Variants in TAOK1 observed in about 807,000 individuals in gnomAD.
TAOK1 encodes TAO kinase 1.
TAOK1 carries 21 observed loss-of-function variants against 138.3 expected under a neutral mutation model. That is an observed-to-expected ratio of 0.15 (90% confidence interval 0.11 to 0.22). The LOEUF (loss-of-function observed/expected upper bound fraction) is 0.22, where lower values mean the gene tolerates loss of function less well. Ranked by LOEUF, TAOK1 falls within the 10% of genes least tolerant of loss-of-function variation. The pLI is 1.00. For synonymous variants in TAOK1, 361 were observed against 398.4 expected (o/e 0.91, Z 1.12); for missense variants, 651 against 1,227.7 (o/e 0.53, Z 7.02).
At chr17:29,401,851 A>G (rs1904855720) in intron 1 of TAOK1, among the ~76,000 whole-genome samples, 1 of 151,974 alleles carries the variant, frequency 6.6e-6, no homozygotes, top group Non-Finnish European at 1.5e-5. Flanking sequence ...GGGTTTCGCC[A>G]TGTTGGCCAG....
intron 14 of TAOK1, 63 bp downstream of exon 14, chr17:29,508,195 C>T (rs971472764): frequency 7.1e-6 from 10 of 1,400,518 alleles, no homozygotes; most frequent in Middle Eastern, 1.8e-4. Context: ...AATTAACCAA[C>T]ATGGCAGTTT....
intron 2 of TAOK1, among the ~76,000 whole-genome samples, chr17:29,457,877 G>A (rs1171035006): frequency 1.3e-5 from 2 of 151,974 alleles, no homozygotes; most frequent in Non-Finnish European, 2.9e-5. Context: ...TTGGGAGGCC[G>A]AGGCAGGCAG....
At chr17:29,432,942 TAG>T (rs1905894630) in intron 1 of TAOK1, among the ~76,000 whole-genome samples, 1 of 152,160 alleles carries the variant, frequency 6.6e-6, no homozygotes. Context: ...AAAGTTTTTG[TAG>T]AGACAGTGTC....
chr17:29,488,577 A>AATG (rs1322794802), intron 8 of TAOK1, among the ~76,000 whole-genome samples: 2 of 32,224 alleles, frequency 6.2e-5, no homozygotes, highest in East Asian at 7.5e-3. Flanking sequence ...CATCTCAAAA[A>AATG]ATAATAATAA....
chr17:29,436,247 A>T (rs1184313725), intron 1 of TAOK1, among the ~76,000 whole-genome samples: 1 of 152,262 alleles, frequency 6.6e-6, no homozygotes, highest in African/African-American at 2.4e-5. Flanking sequence ...ACATGCTCCA[A>T]AGTTTTTTTC....
intron 1 of TAOK1, among the ~76,000 whole-genome samples, chr17:29,406,694 C>A (rs550597935): frequency 2.6e-5 from 4 of 152,102 alleles, no homozygotes; most frequent in South Asian, 2.1e-4. Context: ...ACCCACCCCC[C>A]CAACTAAGCA....
intron 1 of TAOK1, among the ~76,000 whole-genome samples, chr17:29,442,389 G>GTTTT (rs531137552): frequency 3.1e-5 from 4 of 130,536 alleles, no homozygotes; most frequent in African/African-American, 1.1e-4. Context: ...ATTTTTTTCT[G>GTTTT]TTTTTTTTTT....
chr17:29,443,335 TG>T (rs1191396846), intron 1 of TAOK1, among the ~76,000 whole-genome samples: 1 of 152,242 alleles, frequency 6.6e-6, no homozygotes, highest in African/African-American at 2.4e-5. Context: ...ATCTTCTTTT[TG>T]TTGCTCTTGA....
intron 3 of TAOK1, among the ~76,000 whole-genome samples, chr17:29,473,343 G>A (rs1399057811): frequency 6.6e-6 from 1 of 152,100 alleles, no homozygotes; most frequent in Non-Finnish European, 1.5e-5. Context: ...CATCTACACT[G>A]AAGATCTGTT....
At chr17:29,414,955 T>G (rs990496375) in intron 1 of TAOK1, among the ~76,000 whole-genome samples, 4 of 152,166 alleles carry the variant, frequency 2.6e-5, no homozygotes, top group Non-Finnish European at 5.9e-5. Flanking sequence ...TGAGCCATTT[T>G]ATACCTTTTT....
In TAOK1 at chr17:29,537,353, G is replaced by GT. The variant is rs1555569225; in HGVS notation, c.2544+3061dup. On this transcript the variant is annotated intron_variant, in intron 19 of 19. Coordinates refer to ENST00000261716, the MANE Select transcript of TAOK1 (RefSeq NM_020791.4). ...GAGTTGGGTGTATATATACTTGTTT[G>GT]TTTTTTTTCAAGTGTCAACAGAGAC... Among the ~76,000 whole-genome samples, 35 of 151,732 alleles carry GT rather than the reference G, an allele frequency of 2.3e-4. No individual in the cohort carries two copies. The East Asian group carries it at 5.0e-3, about 22-fold the overall frequency.
chr17:29,501,325 G>T (rs2031525050), intron 12 of TAOK1, among the ~76,000 whole-genome samples: 1 of 151,408 alleles, frequency 6.6e-6, no homozygotes, highest in Admixed American at 6.6e-5. Flanking sequence ...GGCACACTGA[G>T]TAGTGGAGGA....
At chr17:29,530,672 C>A in intron 18 of TAOK1, 53 bp downstream of exon 18, 1 of 1,439,884 alleles carries the variant, frequency 6.9e-7, no homozygotes, top group Non-Finnish European at 9.8e-7. Context: ...TTTCTTCCAC[C>A]ACCTGAACGA....
At chr17:29,456,129 C>T (rs143002865) in intron 2 of TAOK1, among the ~76,000 whole-genome samples, 4 of 150,362 alleles carry the variant, frequency 2.7e-5, no homozygotes, top group African/African-American at 7.6e-5. Context: ...AGGCAGATCA[C>T]CTGAGGTCAG....
At chr17:29,427,308 A>G (rs1905671598) in intron 1 of TAOK1, among the ~76,000 whole-genome samples, 2 of 152,108 alleles carry the variant, frequency 1.3e-5, no homozygotes, top group South Asian at 4.1e-4. Flanking sequence ...TGCTTTAGAG[A>G]TCTTGGCTAG....
intron 19 of TAOK1, 52 bp from the exon 20 acceptor site, chr17:29,542,509 A>G: frequency 4.8e-6 from 7 of 1,471,982 alleles, no homozygotes; most frequent in South Asian, 1.4e-5. Flanking sequence ...TCCTTTCTTT[A>G]TAGACTTAAA....
Position 29,550,818 on chromosome 17 carries a change from A to G in TAOK1, c.*7796A>G, listed in dbSNP as rs1296253010. 6.6e-6 allele frequency: 1 copy of G among 152,580 alleles called. No homozygotes were observed. Among genetic ancestry groups the G allele is most frequent in the Non-Finnish European group, 1.5e-5 (1 of 68,018 alleles). The allele number at this position is 152,580 out of a possible 1,614,324, so 9.5% of individuals were successfully genotyped here. ...TTTGCACATGTAGAAATTTTTTAAA[A>G]GAAAGAAATTAGTACATCATTTTCT... On this transcript the variant is annotated 3_prime_UTR_variant, in exon 20 of 20. Coordinates refer to ENST00000261716, the MANE Select transcript of TAOK1 (RefSeq NM_020791.4).
At chr17:29,487,179 C>T (rs923109706) in intron 8 of TAOK1, among the ~76,000 whole-genome samples, 1 of 137,174 alleles carries the variant, frequency 7.3e-6, no homozygotes, top group African/African-American at 2.8e-5. Context: ...CTGGGAGGCA[C>T]AGGTTGCAGT....
At chr17:29,392,472 C>T (rs1904465568) in intron 1 of TAOK1, among the ~76,000 whole-genome samples, 1 of 152,152 alleles carries the variant, frequency 6.6e-6, no homozygotes, top group Non-Finnish European at 1.5e-5. Flanking sequence ...TGTCTGAAAG[C>T]AGATCATCTT....
Sources: allele counts gnomAD v4.1 joint callset (sites outside exome capture counted in the v4.1 genomes callset), GRCh38; gene constraint gnomAD v4.1.1; transcripts MANE v1.5; gene names NCBI Gene and HGNC (gene_info 2026-07-23, HGNC 2026-07-21).